Variants in PPARG observed in about 807,000 individuals in gnomAD.
PPARG encodes the protein peroxisome proliferator-activated receptor gamma.
Under a neutral mutation model 39.2 loss-of-function variants are expected in PPARG, and 17 were observed. That is an observed-to-expected ratio of 0.43 (90% CI 0.30 to 0.65). The LOEUF (loss-of-function observed/expected upper bound fraction) is 0.65, where lower values mean the gene tolerates loss of function less well. Among genes scored for constraint, PPARG ranks in the 30% least tolerant of loss-of-function variants. The pLI is 0.13. For missense variants in PPARG, 406 were observed against 585.9 expected (o/e 0.69, Z 3.17); for synonymous variants, 223 against 215.7 (o/e 1.03, Z -0.30).
intron 4 of PPARG, among the ~76,000 whole-genome samples, chr3:12,386,242 A>G (rs1429669808): frequency 6.6e-6 from 1 of 152,156 alleles, no homozygotes; most frequent in Non-Finnish European, 1.5e-5. Context: ...AGCACTCGAT[A>G]ATATCCTTAC....
At chr3:12,299,715 A>G (rs1214388103) in intron 1 of PPARG, among the ~76,000 whole-genome samples, 3 of 152,196 alleles carry the variant, frequency 2.0e-5, no homozygotes, top group Non-Finnish European at 1.5e-5. Context: ...AAATAAATCA[A>G]TTAATTTAAA....
At chr3:12,373,464 A>G (rs967550615) in intron 2 of PPARG, among the ~76,000 whole-genome samples, 4 of 152,170 alleles carry the variant, frequency 2.6e-5, no homozygotes, top group African/African-American at 9.7e-5. Context: ...CTGAATATAC[A>G]TCGTTAAGGG....
chr3:12,430,961 A>T (rs988154135), intron 7 of PPARG, among the ~76,000 whole-genome samples: 4 of 152,196 alleles, frequency 2.6e-5, no homozygotes, highest in Admixed American at 6.5e-5. Context: ...AACAGAACTG[A>T]GACTAGAGGA....
intron 1 of PPARG, among the ~76,000 whole-genome samples, chr3:12,289,815 T>A (rs1413262902): frequency 1.3e-5 from 2 of 152,164 alleles, no homozygotes; most frequent in Non-Finnish European, 2.9e-5. Flanking sequence ...ATGCTACCAG[T>A]TAGCATTTGG....
At chr3:12,288,524 G>A (rs1415144972), upstream of PPARG, among the ~76,000 whole-genome samples, 2 of 152,028 alleles carry the variant, frequency 1.3e-5, no homozygotes, top group Non-Finnish European at 2.9e-5. Flanking sequence ...GGGGAACTTT[G>A]GAGCAGGGTG....
chr3:12,315,516 G>GT (rs1291440994), intron 2 of PPARG, among the ~76,000 whole-genome samples: 3 of 152,154 alleles, frequency 2.0e-5, no homozygotes, highest in Admixed American at 6.5e-5. Context: ...AAGTTAAGTA[G>GT]TTTTTTAAGG....
intron 7 of PPARG, among the ~76,000 whole-genome samples, chr3:12,417,685 C>T (rs2051109041): frequency 6.6e-6 from 1 of 152,070 alleles, no homozygotes; most frequent in African/African-American, 2.4e-5. Context: ...TGTGTGGATT[C>T]CTCTGATGGC....
intron 2 of PPARG, among the ~76,000 whole-genome samples, chr3:12,336,160 T>C (rs2048006420): frequency 6.6e-6 from 1 of 152,178 alleles, no homozygotes; most frequent in South Asian, 2.1e-4. Context: ...AAAATGATAC[T>C]CCAGTTGAGA....
chr3:12,366,988 T>C (rs887075577), intron 2 of PPARG, among the ~76,000 whole-genome samples: 1 of 152,206 alleles, frequency 6.6e-6, no homozygotes, highest in Non-Finnish European at 1.5e-5. Flanking sequence ...CTTCCTTAAA[T>C]GTTTGGTAGA....
chr3:12,302,593 G>A (rs2046956069), intron 1 of PPARG, among the ~76,000 whole-genome samples: 1 of 152,174 alleles, frequency 6.6e-6, no homozygotes, highest in Non-Finnish European at 1.5e-5. Flanking sequence ...AGAAAACAAA[G>A]CCTGGAATAG....
intron 5 of PPARG, among the ~76,000 whole-genome samples, chr3:12,396,787 T>C (rs935117318): frequency 6.6e-6 from 1 of 151,218 alleles, no homozygotes; most frequent in African/African-American, 2.4e-5. Context: ...GAATTGTGAC[T>C]AGTGAATAAT....
intron 1 of PPARG, among the ~76,000 whole-genome samples, chr3:12,290,876 A>G (rs2046632110): frequency 1.3e-5 from 2 of 152,198 alleles, no homozygotes; most frequent in African/African-American, 2.4e-5. Flanking sequence ...TTCATGAAGT[A>G]GGAAAATATG....
chr3:12,417,902 C>CTTTTTTTTTTTTTTTTTTTCTTTTT (rs2051131583), intron 7 of PPARG, among the ~76,000 whole-genome samples: 1 of 65,900 alleles, frequency 1.5e-5, no homozygotes, highest in African/African-American at 5.9e-5. Context: ...TTTTTTTTTC[C>CTTTTTTTTTTTTTTTTTTTCTTTTT]TTTTTTTTTT....
At chr3:12,291,460 C>T (rs1186092755) in intron 1 of PPARG, among the ~76,000 whole-genome samples, 3 of 152,106 alleles carry the variant, frequency 2.0e-5, no homozygotes, top group Non-Finnish European at 4.4e-5. Context: ...TTGAAATCTT[C>T]TTGGAAGTTC....
At chr3:12,316,901 T>C (rs765352470) in intron 2 of PPARG, among the ~76,000 whole-genome samples, 4 of 152,042 alleles carry the variant, frequency 2.6e-5, no homozygotes, top group Non-Finnish European at 5.9e-5. Flanking sequence ...AATGAATCTA[T>C]GAAAAGAAGA....
intron 7 of PPARG, among the ~76,000 whole-genome samples, chr3:12,431,154 T>C (rs558389589): frequency 2.0e-5 from 3 of 152,228 alleles, no homozygotes; most frequent in African/African-American, 7.2e-5. Context: ...GAAAACCTTA[T>C]AATCTAACCC....
Position 12,402,998 on chromosome 3 carries a change from A to G in PPARG, c.530-2884A>G, listed in dbSNP as rs112893544. 9.9e-3 allele frequency among the ~76,000 whole-genome samples: 1,513 copies of G among 152,334 alleles called. 15 individuals carry two copies. The highest frequency in any genetic ancestry group is 0.014 in the Non-Finnish European group (924 of 68,034). On this transcript the variant is annotated intron_variant, in intron 5 of 7. Transcript: ENST00000651735. ...ATCTAATACAGTATAAATACTGTATAAATAGTTCCTATGGCCAGGTGTCAT... is the reference window on the plus strand; with the variant it reads ...ATCTAATACAGTATAAATACTGTATGAATAGTTCCTATGGCCAGGTGTCAT...
chr3:12,303,625 T>A (rs1406546291), intron 1 of PPARG, among the ~76,000 whole-genome samples: 1 of 151,968 alleles, frequency 6.6e-6, no homozygotes, highest in African/African-American at 2.4e-5. Context: ...TAAATAGTCC[T>A]TCTTTGTCAA....
chr3:12,401,563 A>G (rs1271026924), intron 5 of PPARG, among the ~76,000 whole-genome samples: 2 of 152,154 alleles, frequency 1.3e-5, no homozygotes, highest in Non-Finnish European at 2.9e-5. Flanking sequence ...CGAAATAATA[A>G]AACTGGCTTT....
Sources: allele counts gnomAD v4.1 joint callset (sites outside exome capture counted in the v4.1 genomes callset), GRCh38; gene constraint gnomAD v4.1.1; transcripts MANE v1.5; gene names NCBI Gene and HGNC (gene_info 2026-07-23, HGNC 2026-07-21).